Variants in AGBL1 observed in about 807,000 individuals in gnomAD.
AGBL1 encodes the protein AGBL carboxypeptidase 1, also known as cytosolic carboxypeptidase 4.
AGBL1 carries 130 observed loss-of-function variants against 118.9 expected under a neutral mutation model. That is an observed-to-expected ratio of 1.09 (90% CI 0.95 to 1.26). AGBL1 has a LOEUF of 1.26. AGBL1 is among the 50% of genes most tolerant of loss of function. AGBL1 has a pLI of 0.00. For missense variants in AGBL1, 1,584 were observed against 1,298.1 expected (o/e 1.22, Z -3.38); for synonymous variants, 555 against 478.9 (o/e 1.16, Z -2.08).
chr15:86,636,744 TATATATATATATATACAC>T (rs1366734399), intron 21 of AGBL1, among the ~76,000 whole-genome samples: 14 of 56,794 alleles, frequency 2.5e-4, no homozygotes, highest in African/African-American at 1.4e-3. Flanking sequence ...TATATATATA[TATATATATATATATACAC>T]ATACATACAG....
chr15:86,107,632 C>T (rs1897127644), intron 1 of AGBL1: 1 of 152,222 alleles, frequency 6.6e-6, no homozygotes, highest in Non-Finnish European at 1.5e-5. Flanking sequence ...GCTTAGGAAG[C>T]TCTTCAGAGT....
chr15:86,405,175 T>C (rs1000517874), intron 18 of AGBL1, among the ~76,000 whole-genome samples: 3 of 152,170 alleles, frequency 2.0e-5, no homozygotes, highest in African/African-American at 7.2e-5. Context: ...TGTTAATCAG[T>C]CTTCTAGTCT....
At chr15:86,080,304 G>A (rs1761827876) in intron 1 of AGBL1, 2 of 297,740 alleles carry the variant, frequency 6.7e-6, no homozygotes. Flanking sequence ...AATGGGAAAG[G>A]TGGAGAAAAA....
At chr15:86,228,555 G>A (rs2078403919) in intron 6 of AGBL1, among the ~76,000 whole-genome samples, 1 of 152,154 alleles carries the variant, frequency 6.6e-6, no homozygotes, top group African/African-American at 2.4e-5. Flanking sequence ...TTGGAAATCT[G>A]AGGCCACTGA....
At chr15:86,902,771 C>A (rs538740866) in intron 22 of AGBL1, among the ~76,000 whole-genome samples, 20 of 152,110 alleles carry the variant, frequency 1.3e-4, no homozygotes, top group Non-Finnish European at 2.6e-4. Flanking sequence ...AACTTTGCTG[C>A]CATTCTAATT....
At chr15:86,554,621 C>T (rs1018920412) in intron 21 of AGBL1, 84 bp downstream of exon 21, 2 of 1,297,936 alleles carry the variant, frequency 1.5e-6, no homozygotes, top group African/African-American at 1.5e-5. Context: ...GCTTTCTCAC[C>T]TAAAAGGGGA....
intron 16 of AGBL1, among the ~76,000 whole-genome samples, chr15:86,285,085 C>A (rs560524312): frequency 5.3e-5 from 8 of 152,224 alleles, no homozygotes; most frequent in South Asian, 4.2e-4. Flanking sequence ...TTAGGCATAA[C>A]TTTTCTGGAC....
At chr15:86,663,545 C>G (rs1353796030) in intron 21 of AGBL1, among the ~76,000 whole-genome samples, 2 of 152,028 alleles carry the variant, frequency 1.3e-5, no homozygotes, top group African/African-American at 4.8e-5. Context: ...GTGCAGGAAA[C>G]AGTGGTCACA....
At chr15:86,557,180 A>C (rs2083746968) in intron 21 of AGBL1, among the ~76,000 whole-genome samples, 1 of 152,172 alleles carries the variant, frequency 6.6e-6, no homozygotes, top group African/African-American at 2.4e-5. Flanking sequence ...ACCCACTGAG[A>C]GATTTACTTT....
chr15:86,709,633 A>G (rs951683756), intron 22 of AGBL1, among the ~76,000 whole-genome samples: 3 of 152,152 alleles, frequency 2.0e-5, no homozygotes, highest in East Asian at 3.9e-4. Flanking sequence ...AGCCAACACA[A>G]TCTTGTCTTT....
At chr15:86,295,507 G>A in intron 17 of AGBL1, 99 bp downstream of exon 17, 4 of 1,293,270 alleles carry the variant, frequency 3.1e-6, no homozygotes, top group Non-Finnish European at 4.2e-6. Flanking sequence ...GCTCCATAAA[G>A]GGTTGGAGAC....
intron 22 of AGBL1, among the ~76,000 whole-genome samples, chr15:86,842,217 T>TA (rs35047574): frequency 0.035 from 5,021 of 145,436 alleles, 154 homozygotes; most frequent in East Asian, 0.18. Flanking sequence ...CCATCGATAT[T>TA]AAAAAAAAAA....
At chr15:86,830,807 C>T (rs1054507917) in intron 22 of AGBL1, among the ~76,000 whole-genome samples, 1 of 152,200 alleles carries the variant, frequency 6.6e-6, no homozygotes, top group Non-Finnish European at 1.5e-5. Flanking sequence ...TCAGCAAGGA[C>T]TCCACCCATA....
At chr15:86,374,007 T>G (rs954838624) in intron 17 of AGBL1, among the ~76,000 whole-genome samples, 1 of 152,212 alleles carries the variant, frequency 6.6e-6, no homozygotes, top group Non-Finnish European at 1.5e-5. Context: ...GAATGAAAGT[T>G]GACCGTCATA....
chr15:86,956,230 T>C (rs972413044), intron 23 of AGBL1, among the ~76,000 whole-genome samples: 2 of 149,362 alleles, frequency 1.3e-5, no homozygotes, highest in African/African-American at 2.5e-5. Flanking sequence ...GATAGATAGA[T>C]AGATAGATAG....
chr15:86,881,672 T>A (rs891897706), intron 22 of AGBL1, among the ~76,000 whole-genome samples: 5 of 152,140 alleles, frequency 3.3e-5, no homozygotes, highest in African/African-American at 9.7e-5. Context: ...TCTCACTGTG[T>A]CACGCAGGCT....
intron 22 of AGBL1, among the ~76,000 whole-genome samples, chr15:86,842,567 G>A (rs774470832): frequency 6.6e-6 from 1 of 152,186 alleles, no homozygotes; most frequent in South Asian, 2.1e-4. Flanking sequence ...GGAGAAACAG[G>A]CAATCTAACC....
chr15:86,108,609 T>C (rs929683172), intron 1 of AGBL1, among the ~76,000 whole-genome samples: 1 of 151,958 alleles, frequency 6.6e-6, no homozygotes, highest in African/African-American at 2.4e-5. Context: ...AAAATGCAAA[T>C]AAATTGAGGT....
chr15:86,947,732 G>A (rs181638714), intron 23 of AGBL1, among the ~76,000 whole-genome samples: 405 of 152,214 alleles, frequency 2.7e-3, no homozygotes, highest in East Asian at 9.1e-3. Flanking sequence ...GAATGACTGA[G>A]GGCAAGTTAG....
Sources: gnomAD v4.1 joint callset for allele counts (sites outside exome capture counted in the v4.1 genomes callset) on GRCh38, gnomAD v4.1.1 for gene constraint, MANE v1.5 for transcripts, NCBI Gene and HGNC (gene_info 2026-07-23, HGNC 2026-07-21) for gene names.